Variants in TEX10 observed in about 807,000 individuals in gnomAD.
TEX10 encodes the protein testis-expressed protein 10.
TEX10 carries 24 observed loss-of-function variants against 104.4 expected under a neutral mutation model. The observed-to-expected ratio is 0.23, with a 90% confidence interval of 0.17 to 0.32. TEX10 has a LOEUF of 0.32. Among genes scored for constraint, TEX10 ranks in the 10% least tolerant of loss-of-function variants. TEX10 has a pLI of 1.00. For synonymous variants in TEX10, 396 were observed against 393.4 expected (o/e 1.01, Z -0.08); for missense variants, 921 against 1,083.9 (o/e 0.85, Z 2.11).
At chr9:100,313,065 CT>C (rs1167781678) in intron 11 of TEX10, among the ~76,000 whole-genome samples, 2 of 152,146 alleles carry the variant, frequency 1.3e-5, no homozygotes, top group Middle Eastern at 3.2e-3. Flanking sequence ...TAGGTTGTAA[CT>C]TGAACCTAGA....
chr9:100,324,946 T>G (rs989257823), intron 9 of TEX10, among the ~76,000 whole-genome samples: 1 of 152,146 alleles, frequency 6.6e-6, no homozygotes, highest in African/African-American at 2.4e-5. Context: ...GGGAAACTAA[T>G]CAATATTTAA....
Position 100,303,741 on chromosome 9 carries a change from T to C in TEX10, c.2567A>G (p.Glu856Gly), listed in dbSNP as rs780788386. The C allele has an allele frequency of 3.1e-6, 5 of 1,613,990 alleles. No individual in the cohort carries two copies. In the East Asian group the frequency reaches 1.1e-4, roughly 36 times the overall value. The change falls in exon 14 of 15, where the codon GAG (glutamate) becomes GGG (glycine). Residue 856 changes from glutamate to glycine, a missense_variant. Around this residue, in one of 3 missense-constraint regions of TEX10, gnomAD observed 753 missense variants for 868.4 expected, o/e 0.87. Coordinates refer to ENST00000374902, the MANE Select transcript of TEX10 (RefSeq NM_017746.4). ...SLRVNRVGPEELPVVGQLLRL... is the reference protein window; with the variant it reads ...SLRVNRVGPEGLPVVGQLLRL... Reference sequence around the variant, plus strand: ...AAGCAGCTGGCCCACAACAGGCAGCTCCTCAGGCCCAACTCTGTTCACCCG... The same window carrying C: ...AAGCAGCTGGCCCACAACAGGCAGCCCCTCAGGCCCAACTCTGTTCACCCG...
intron 9 of TEX10, among the ~76,000 whole-genome samples, chr9:100,326,014 G>A (rs1164992364): frequency 6.6e-6 from 1 of 152,086 alleles, no homozygotes; most frequent in East Asian, 1.9e-4. Flanking sequence ...AACAACAAAG[G>A]TTTGAAGTAC....
At chr9:100,302,422 A>T in intron 14 of TEX10, 118 bp from the exon 15 acceptor site, 1 of 617,850 alleles carries the variant, frequency 1.6e-6, no homozygotes, top group Non-Finnish European at 2.8e-6. Flanking sequence ...CCCCATCTGT[A>T]AATTACCATA....
At chr9:100,326,761 G>A (rs1203062329) in intron 8 of TEX10, among the ~76,000 whole-genome samples, 1 of 152,142 alleles carries the variant, frequency 6.6e-6, no homozygotes, top group African/African-American at 2.4e-5. Context: ...AAGGAAAAGA[G>A]ATTGAATGCA....
rs555555071 is a variant in TEX10, at chr9:100,314,025, A to G, written c.2203-3646T>C. 4.6e-5 allele frequency among the ~76,000 whole-genome samples: 7 copies of G among 151,754 alleles called. No homozygotes were observed. The East Asian group carries it at 1.4e-3, about 29-fold the overall frequency. On this transcript the variant is annotated intron_variant, in intron 11 of 14. Coordinates refer to ENST00000374902, the MANE Select transcript of TEX10 (RefSeq NM_017746.4). ...AGAATGAGTATTAGCTCTTTTTTGT[A>G]CATTTGGCAGAATTCAGCTGTGAAT...
In TEX10 at chr9:100,346,306, A is replaced by G. The variant is rs1432650735; in HGVS notation, c.903T>C (p.Val301=). ...VSSQFRLRYL[V]GGLSGVDEGL... ...CTTCATCCACACCACTCAGTCCTCC[A>G]ACCAGATACCTAATAAGGGTAAGAA... The change falls in exon 4 of 15, where the codon GTT becomes GTC. Residue 301 remains valine, a synonymous_variant. Coordinates refer to ENST00000374902, the MANE Select transcript of TEX10 (RefSeq NM_017746.4). The G allele has an allele frequency of 1.2e-6, 2 of 1,612,944 alleles. No homozygotes were observed. The highest frequency in any genetic ancestry group is 1.7e-6 in the Non-Finnish European group (2 of 1,179,536).
chr9:100,327,976 A>G lies in TEX10; in HGVS notation c.1626-14T>C. ...TTACTACGATATCTTAGAAAGGCCA[A>G]AGAAGAATAAAATGTAATACTCAAA... On this transcript the variant is annotated splice_polypyrimidine_tract_variant and intron_variant, in intron 7 of 14. Coordinates refer to ENST00000374902, the MANE Select transcript of TEX10 (RefSeq NM_017746.4). 1 of 1,517,644 alleles carries G rather than the reference A, an allele frequency of 6.6e-7. No individual in the cohort carries two copies. The highest frequency in any genetic ancestry group is 8.9e-7 in the Non-Finnish European group (1 of 1,120,360). The allele number at this position is 1,517,644 out of a possible 1,614,324, so 94.0% of individuals were successfully genotyped here. A position where few individuals can be genotyped will look rare whatever the true frequency, so the allele number is the denominator to read the frequency against.
At chr9:100,322,014 T>C (rs1834583821) in intron 9 of TEX10, among the ~76,000 whole-genome samples, 1 of 152,162 alleles carries the variant, frequency 6.6e-6, no homozygotes, top group South Asian at 2.1e-4. Context: ...GATCAACATA[T>C]ATAGTACAAC....
At chr9:100,345,374 AAAAAC>A (rs1835277033) in intron 4 of TEX10, among the ~76,000 whole-genome samples, 1 of 152,208 alleles carries the variant, frequency 6.6e-6, no homozygotes, top group African/African-American at 2.4e-5. Context: ...AAAATAAAAC[AAAAAC>A]AAGAAAACTA....
At chr9:100,343,646 T>C (rs1239666949) in intron 4 of TEX10, among the ~76,000 whole-genome samples, 3 of 152,052 alleles carry the variant, frequency 2.0e-5, no homozygotes, top group Non-Finnish European at 4.4e-5. Flanking sequence ...TCTTGACTTT[T>C]TGTAAATACT....
intron 13 of TEX10, chr9:100,305,731 T>C (rs1392527400): frequency 6.6e-6 from 1 of 152,242 alleles, no homozygotes; most frequent in Admixed American, 6.5e-5. Context: ...TGTGGGATTT[T>C]AGGGCAAGGA....
Position 100,340,286 on chromosome 9 carries a change from G to T in TEX10, c.1221C>A (p.Thr407=), listed in dbSNP as rs1310118636. 6.4e-7 allele frequency: 1 copy of T among 1,573,228 alleles called. No homozygotes were observed. Among genetic ancestry groups the T allele is most frequent in the Non-Finnish European group, 8.6e-7 (1 of 1,166,232 alleles). The part of the protein sequence containing the change: ...SRFPYVLKEI[T]KHKRKEPNKS... ...TATTTGGCTCTTTCCTTTTGTGCTT[G>T]GTTATTTCTTTTAAGACATATGGAA... The change falls in exon 5 of 15, where the codon ACC becomes ACA. Residue 407 remains threonine (T), a synonymous_variant. Transcript: ENST00000374902.
At chr9:100,352,523 TC>T in intron 1 of TEX10, 2 of 1,550,168 alleles carry the variant, frequency 1.3e-6, no homozygotes, top group Non-Finnish European at 1.7e-6. Context: ...TAAAACTCTC[TC>T]GGACCCGAAA....
In TEX10 at chr9:100,346,813, G is replaced by A. The variant is rs761084193; in HGVS notation, c.774C>T (p.Pro258=). 1.5e-5 allele frequency: 24 copies of A among 1,614,048 alleles called. No homozygotes were observed. The Admixed American group carries it at 1.8e-4, about 12-fold the overall frequency. The change falls in exon 3 of 15, where the codon CCC becomes CCT. Residue 258 remains proline, a synonymous_variant. Transcript: ENST00000374902. ...SEGLQEQKEN[P]HATSNSIFIN... is the part of the protein sequence containing the mutation. ...TAAAAATGGAGTTGCTAGTGGCATG[G>A]GGATTTTCTTTCTGTTCCTGAAGTC...
intron 1 of TEX10, among the ~76,000 whole-genome samples, chr9:100,349,661 T>C (rs1171757698): frequency 3.6e-5 from 1 of 27,564 alleles, no homozygotes; most frequent in African/African-American, 3.2e-4. Flanking sequence ...TGAAATGTGT[T>C]TTTTTTTTGT....
At chr9:100,350,674 C>T (rs550578729) in intron 1 of TEX10, among the ~76,000 whole-genome samples, 1 of 152,170 alleles carries the variant, frequency 6.6e-6, no homozygotes, top group Admixed American at 6.5e-5. Context: ...GACAATGCTA[C>T]ACATGAGGGT....
rs1488195192 is a variant in TEX10 at position 100,352,638 on chromosome 9, G to A, written c.-10+134C>T. 15 of 1,446,740 alleles carry A rather than the reference G, an allele frequency of 1.0e-5. No homozygotes were observed. In the South Asian group the frequency reaches 1.7e-4, roughly 17 times the overall value. The allele number at this position is 1,446,740 out of a possible 1,614,324, so 89.6% of individuals were successfully genotyped here. A position where few individuals can be genotyped will look rare whatever the true frequency, so the allele number is the denominator to read the frequency against. On this transcript the variant is annotated intron_variant, in intron 1 of 14. Coordinates refer to ENST00000374902, the MANE Select transcript of TEX10 (RefSeq NM_017746.4). ...CAGGCCCAGCTCGGAGGGACGCCGC[G>A]GCCCAGACCCGGGGGACGCAAATCG... is the stretch of plus-strand genomic sequence containing the variant.
chr9:100,329,239 A>G lies in TEX10; in HGVS notation c.1526T>C (p.Leu509Ser). The G allele has an allele frequency of 6.2e-7, 1 of 1,611,072 alleles. No individual in the cohort carries two copies. Among genetic ancestry groups the G allele is most frequent in the Non-Finnish European group, 8.5e-7 (1 of 1,179,332 alleles). The change falls in exon 7 of 15, where the codon TTA becomes TCA. Residue 509 changes from leucine to serine, a missense_variant. Physicochemically the swap from Leu to Ser is moderately radical, Grantham distance 145 (BLOSUM62 -2). Transcript: ENST00000374902. Reference protein sequence around the residue: ...TETLIKAVYTLYQQRGLILPV... With the variant: ...TETLIKAVYTSYQQRGLILPV... ...AAGGATAAGGCCCCTCTGCTGATAT[A>G]ATGTATAAACTGCCTTAATAAGAGT...
Sources: allele counts gnomAD v4.1 joint callset (sites outside exome capture counted in the v4.1 genomes callset), GRCh38; gene constraint gnomAD v4.1.1; regional missense constraint gnomAD v4.1.1; transcripts MANE v1.5; gene names NCBI Gene and HGNC (gene_info 2026-07-23, HGNC 2026-07-21).